Variants in MAP3K14 observed in about 807,000 individuals in gnomAD.
The protein encoded by MAP3K14 is mitogen-activated protein kinase kinase kinase 14, also known as NF-kappa-beta-inducing kinase.
A neutral mutation model predicts 99.2 loss-of-function variants in MAP3K14; 16 were observed. That is an observed-to-expected ratio of 0.16 (90% CI 0.11 to 0.24). MAP3K14 has a LOEUF of 0.24. Among genes scored for constraint, MAP3K14 ranks in the 10% least tolerant of loss-of-function variants. The probability of loss-of-function intolerance (pLI) is 1.00; values close to 1 mark genes in which losing one functional copy is unlikely to be tolerated. For missense variants in MAP3K14, 784 were observed against 1,208.7 expected (o/e 0.65, Z 5.21); for synonymous variants, 462 against 492.4 (o/e 0.94, Z 0.82).
chr17:45,299,558 A>C (rs1335799875), intron 1 of MAP3K14, among the ~76,000 whole-genome samples: 1 of 152,170 alleles, frequency 6.6e-6, no homozygotes, highest in Non-Finnish European at 1.5e-5. Flanking sequence ...ACATAGAAAC[A>C]GATGTCTGAG....
rs1232811822 is a variant in MAP3K14, at chr17:45,272,346, G to T, written c.1658-1125C>A. Among the ~76,000 whole-genome samples, 1 of 151,214 alleles carries T rather than the reference G, an allele frequency of 6.6e-6. No homozygotes were observed. The highest frequency in any genetic ancestry group is 1.5e-5 in the Non-Finnish European group (1 of 67,716). On this transcript the variant is annotated intron_variant, in intron 9 of 15. Coordinates refer to ENST00000344686, the MANE Select transcript of MAP3K14 (RefSeq NM_003954.5). This position sits in a 1 kb window ranked among gnomAD's most constrained non-coding sequence, Gnocchi z 4.1. The stretch of plus-strand genomic sequence containing the variant: ...GTCTCTAAAAAATAAAAGTTAAAAA[G>T]AATCAGAAAAGATACATTTTTTTTT...
At chr17:45,306,248 C>T (rs921988386) in intron 1 of MAP3K14, among the ~76,000 whole-genome samples, 5 of 152,068 alleles carry the variant, frequency 3.3e-5, no homozygotes, top group Non-Finnish European at 7.3e-5. Context: ...GAAGTGGCAG[C>T]GGCAGGATTT....
chr17:45,284,343 G>A (rs1161901589), intron 6 of MAP3K14, among the ~76,000 whole-genome samples: 2 of 152,196 alleles, frequency 1.3e-5, no homozygotes, highest in African/African-American at 4.8e-5. Flanking sequence ...GCCAACAGGG[G>A]GCACAGCTCC....
intron 1 of MAP3K14, among the ~76,000 whole-genome samples, chr17:45,303,448 C>G (rs905565757): frequency 2.6e-5 from 4 of 152,058 alleles, no homozygotes; most frequent in Non-Finnish European, 4.4e-5. Flanking sequence ...GTAATCCCAG[C>G]TACTTTGGAG....
At chr17:45,309,094 G>A (rs1246899594) in intron 1 of MAP3K14, among the ~76,000 whole-genome samples, 1 of 152,182 alleles carries the variant, frequency 6.6e-6, no homozygotes, top group Non-Finnish European at 1.5e-5. Context: ...TGGGATTACA[G>A]GCATGAGCCA....
chr17:45,294,256 G>A (rs2044332484), intron 1 of MAP3K14, among the ~76,000 whole-genome samples: 1 of 152,162 alleles, frequency 6.6e-6, no homozygotes, highest in Non-Finnish European at 1.5e-5. Context: ...AAGAGGAAAG[G>A]AAAGGAGCAG....
chr17:45,266,430 C>T, intron 14 of MAP3K14, 107 bp downstream of exon 14: 1 of 1,424,648 alleles, frequency 7.0e-7, no homozygotes, highest in South Asian at 1.4e-5. Context: ...CGCCTTCCTC[C>T]CTCCCACTGT....
chr17:45,269,685 G>A (rs778908066), intron 11 of MAP3K14, among the ~76,000 whole-genome samples: 6 of 152,318 alleles, frequency 3.9e-5, no homozygotes, highest in Admixed American at 3.3e-4. Flanking sequence ...CAAGAAGACC[G>A]GGTTCAGAGA....
At chr17:45,311,552 C>A (rs1243321929) in intron 1 of MAP3K14, among the ~76,000 whole-genome samples, 4 of 152,152 alleles carry the variant, frequency 2.6e-5, no homozygotes, top group African/African-American at 9.7e-5. Context: ...GCTGTAGTAA[C>A]CAGAACCTGG....
chr17:45,293,433 GC>G (rs1295416127), intron 1 of MAP3K14, among the ~76,000 whole-genome samples: 1 of 152,158 alleles, frequency 6.6e-6, no homozygotes, highest in African/African-American at 2.4e-5. Context: ...GCTGTCCAGC[GC>G]CCCTCTGTGA....
At chr17:45,282,048 T>C (rs905932667) in intron 6 of MAP3K14, 1 of 152,184 alleles carries the variant, frequency 6.6e-6, no homozygotes, top group East Asian at 1.9e-4. Context: ...TTCTCAGAGG[T>C]AACTGCCCTT....
chr17:45,278,098 C>G (rs886429168), intron 6 of MAP3K14, among the ~76,000 whole-genome samples: 15 of 152,184 alleles, frequency 9.9e-5, no homozygotes, highest in African/African-American at 3.6e-4. Flanking sequence ...TTGTTTTGGC[C>G]TGGGTTGCCC....
chr17:45,308,539 T>G (rs1269079134), intron 1 of MAP3K14, among the ~76,000 whole-genome samples: 1 of 152,204 alleles, frequency 6.6e-6, no homozygotes, highest in Non-Finnish European at 1.5e-5. Flanking sequence ...GGACTTGTTC[T>G]GTCACCCAGG....
chr17:45,275,240 A>G (rs1598247237), intron 6 of MAP3K14, among the ~76,000 whole-genome samples: 1 of 152,104 alleles, frequency 6.6e-6, no homozygotes, highest in Non-Finnish European at 1.5e-5. Flanking sequence ...AGGCGGGTGG[A>G]TCAAGGAGAT....
chr17:45,276,078 C>T (rs1287651421), intron 6 of MAP3K14, among the ~76,000 whole-genome samples: 5 of 151,814 alleles, frequency 3.3e-5, no homozygotes, highest in South Asian at 2.1e-4. Flanking sequence ...TTTTCTTTCC[C>T]GGAGGACTAA....
At chr17:45,287,079 G>C in intron 4 of MAP3K14, 34 bp from the exon 5 acceptor site, 1 of 1,604,952 alleles carries the variant, frequency 6.2e-7, no homozygotes, top group South Asian at 1.1e-5. Flanking sequence ...AGCACAGAGG[G>C]CCAGGGCCCA....
chr17:45,309,699 C>T (rs1211458422), intron 1 of MAP3K14, among the ~76,000 whole-genome samples: 1 of 152,164 alleles, frequency 6.6e-6, no homozygotes, highest in Non-Finnish European at 1.5e-5. Context: ...TCTAACTGCA[C>T]CCCAGCAAGC....
chr17:45,280,299 C>CCTT (rs2044211911), intron 6 of MAP3K14, among the ~76,000 whole-genome samples: 1 of 122,334 alleles, frequency 8.2e-6, no homozygotes, highest in Non-Finnish European at 1.7e-5. Context: ...CACAGAAACA[C>CCTT]TTTTTTTTTT....
chr17:45,307,632 G>A (rs1211016753), intron 1 of MAP3K14, among the ~76,000 whole-genome samples: 3 of 152,124 alleles, frequency 2.0e-5, no homozygotes, highest in Non-Finnish European at 4.4e-5. Context: ...ACCACCCACC[G>A]CTCCTTTCTG....
Sources: allele counts gnomAD v4.1 joint callset (sites outside exome capture counted in the v4.1 genomes callset), GRCh38; gene constraint gnomAD v4.1.1; non-coding constraint Gnocchi (gnomAD v3.1); transcripts MANE v1.5; gene names NCBI Gene and HGNC (gene_info 2026-07-23, HGNC 2026-07-21).